Variants in CCDC102B observed in about 807,000 individuals in gnomAD.
The protein encoded by CCDC102B is coiled-coil domain-containing protein 102B.
In CCDC102B, 75 loss-of-function variants were observed where a neutral mutation model predicts 57.4. The observed-to-expected ratio is 1.31, with a 90% CI of 1.08 to 1.58. CCDC102B has a LOEUF of 1.58. CCDC102B is among the 40% of genes most tolerant of loss of function. CCDC102B has a pLI of 0.00. For synonymous variants in CCDC102B, 206 were observed against 201.9 expected (o/e 1.02, Z -0.17); for missense variants, 636 against 582.6 (o/e 1.09, Z -0.94).
chr18:69,033,972 G>T lies in CCDC102B; in HGVS notation c.1435-20058G>T, dbSNP rs189709581. On this transcript the variant is annotated intron_variant, in intron 7 of 7. Coordinates refer to ENST00000360242, the MANE Select transcript of CCDC102B (RefSeq NM_024781.3). Reference sequence around the variant, plus strand: ...AATGATGTTGAGTACATTTACATGTGCTAACTGGCCATTTGTATATTTTCT... The same window carrying T: ...AATGATGTTGAGTACATTTACATGTTCTAACTGGCCATTTGTATATTTTCT... Among the ~76,000 whole-genome samples, 128 of 151,866 alleles carry T rather than the reference G, an allele frequency of 8.4e-4. No homozygotes were observed. In the Middle Eastern group the frequency reaches 0.017, roughly 20 times the overall value.
At chr18:68,950,422 T>A (rs561785843) in intron 6 of CCDC102B, among the ~76,000 whole-genome samples, 1 of 152,254 alleles carries the variant, frequency 6.6e-6, no homozygotes, top group South Asian at 2.1e-4. Flanking sequence ...CTTAGTAATT[T>A]GGCCAATATT....
intron 6 of CCDC102B, among the ~76,000 whole-genome samples, chr18:68,990,087 A>T (rs2050825514): frequency 6.6e-6 from 1 of 152,234 alleles, no homozygotes; most frequent in African/African-American, 2.4e-5. Context: ...ACAGGCAATT[A>T]TCAGTGAAGC....
At position 69,051,501 on chromosome 18, in the gene CCDC102B, T is replaced by A. The variant is rs144946644; in HGVS notation, c.1435-2529T>A. On this transcript the variant is annotated intron_variant, in intron 7 of 7. Coordinates refer to ENST00000360242, the MANE Select transcript of CCDC102B (RefSeq NM_024781.3). ...AGAGTTAATGAAACTCCAGGTTAAATACAAATATAGTTCTTCATGAAATTT... is the reference window on the plus strand; with the variant it reads ...AGAGTTAATGAAACTCCAGGTTAAAAACAAATATAGTTCTTCATGAAATTT... Among the ~76,000 whole-genome samples the A allele has an allele frequency of 4.2e-3, 637 of 152,146 alleles. 5 individuals carry two copies. Among genetic ancestry groups the A allele is most frequent in the South Asian group, 0.024 (118 of 4,830 alleles).
At chr18:68,988,828 T>C (rs1340007029) in intron 6 of CCDC102B, among the ~76,000 whole-genome samples, 1 of 152,206 alleles carries the variant, frequency 6.6e-6, no homozygotes, top group African/African-American at 2.4e-5. Context: ...GGTTTGGACT[T>C]GAGTGGCAAG....
intron 2 of CCDC102B, among the ~76,000 whole-genome samples, chr18:68,774,120 A>G (rs2034732711): frequency 6.6e-6 from 1 of 151,990 alleles, no homozygotes; most frequent in Non-Finnish European, 1.5e-5. Flanking sequence ...TATAATTTTT[A>G]TTCATACTGA....
intron 6 of CCDC102B, among the ~76,000 whole-genome samples, chr18:68,913,026 T>C (rs2040929203): frequency 6.6e-6 from 1 of 152,218 alleles, no homozygotes; most frequent in South Asian, 2.1e-4. Context: ...TGGATTTATT[T>C]CTTTTTAATT....
At chr18:68,925,548 A>G (rs1229652435) in intron 6 of CCDC102B, among the ~76,000 whole-genome samples, 2 of 151,964 alleles carry the variant, frequency 1.3e-5, no homozygotes, top group Non-Finnish European at 2.9e-5. Context: ...TCTATTTATG[A>G]CATTTTGGCC....
intron 6 of CCDC102B, among the ~76,000 whole-genome samples, chr18:68,939,969 A>T (rs1342816216): frequency 6.6e-6 from 1 of 151,814 alleles, no homozygotes; most frequent in African/African-American, 2.4e-5. Context: ...TTATTTGGTG[A>T]TCATACTGTC....
chr18:68,784,400 C>T (rs1253125689), intron 2 of CCDC102B, among the ~76,000 whole-genome samples: 1 of 152,036 alleles, frequency 6.6e-6, no homozygotes, highest in Non-Finnish European at 1.5e-5. Context: ...GGTTGTAAAC[C>T]ATTCATGAAA....
At chr18:68,805,723 G>A (rs2036010730) in intron 1 of CCDC102B, among the ~76,000 whole-genome samples, 1 of 152,150 alleles carries the variant, frequency 6.6e-6, no homozygotes, top group African/African-American at 2.4e-5. Context: ...CAGCCAGTGA[G>A]TGGGTGAGGT....
intron 1 of CCDC102B, among the ~76,000 whole-genome samples, chr18:68,810,705 T>TTTTTCTTTAAG (rs2036227983): frequency 8.9e-6 from 1 of 111,772 alleles, no homozygotes; most frequent in African/African-American, 3.2e-5. Context: ...TTTTTTTTTT[T>TTTTTCTTTAAG]TTATGCTTTA....
rs939962351 is a variant in CCDC102B at position 68,924,687 on chromosome 18, G to A, written c.1263+27259G>A. On this transcript the variant is annotated intron_variant, in intron 6 of 7. Coordinates refer to ENST00000360242, the MANE Select transcript of CCDC102B (RefSeq NM_024781.3). The stretch of plus-strand genomic sequence containing the variant: ...GTGAGGGGAGATAGGTAGTTCAGGG[G>A]ACTTATCAATAGGCCTGAACAATTG... Among the ~76,000 whole-genome samples, 8 of 152,020 alleles carry A rather than the reference G, an allele frequency of 5.3e-5. 1 individual carries two copies. The highest frequency in any genetic ancestry group is 2.1e-4 in the South Asian group (1 of 4,826).
chr18:68,773,880 C>T (rs938586231), intron 2 of CCDC102B, among the ~76,000 whole-genome samples: 1 of 151,960 alleles, frequency 6.6e-6, no homozygotes, highest in Non-Finnish European at 1.5e-5. Context: ...TTTATATTAA[C>T]TCAGTCACAC....
At chr18:68,910,209 T>A (rs1205529826) in intron 6 of CCDC102B, among the ~76,000 whole-genome samples, 2 of 152,110 alleles carry the variant, frequency 1.3e-5, no homozygotes, top group Non-Finnish European at 2.9e-5. Context: ...ATGAGAATCC[T>A]TTCAATCTGG....
upstream of CCDC102B, among the ~76,000 whole-genome samples, chr18:68,797,366 CA>C (rs1339255210): frequency 6.6e-6 from 1 of 152,048 alleles, no homozygotes; most frequent in East Asian, 1.9e-4. Flanking sequence ...TTACTTTGGA[CA>C]TTTTTTTGCT....
chr18:68,818,150 C>G (rs528191343), intron 1 of CCDC102B, among the ~76,000 whole-genome samples: 1 of 135,478 alleles, frequency 7.4e-6, no homozygotes, highest in African/African-American at 2.9e-5. Context: ...TGTCTCCTTT[C>G]CAGTGTAGCT....
intron 5 of CCDC102B, among the ~76,000 whole-genome samples, chr18:68,877,081 T>C (rs1475791782): frequency 6.6e-6 from 1 of 152,228 alleles, no homozygotes; most frequent in Non-Finnish European, 1.5e-5. Context: ...AAATAATCTT[T>C]GATAGCACAT....
At chr18:68,809,806 G>A (rs1459276713) in intron 1 of CCDC102B, among the ~76,000 whole-genome samples, 1 of 152,188 alleles carries the variant, frequency 6.6e-6, no homozygotes, top group East Asian at 1.9e-4. Context: ...TTCTTATTCT[G>A]CTTTAACAAC....
chr18:68,750,758 T>C (rs1317648605), intron 2 of CCDC102B, among the ~76,000 whole-genome samples: 2 of 132,072 alleles, frequency 1.5e-5, no homozygotes, highest in African/African-American at 5.8e-5. Context: ...ATGAGAACAC[T>C]TGGACACAGG....
Sources: allele counts gnomAD v4.1 joint callset (sites outside exome capture counted in the v4.1 genomes callset), GRCh38; gene constraint gnomAD v4.1.1; transcripts MANE v1.5; gene names NCBI Gene and HGNC (gene_info 2026-07-23, HGNC 2026-07-21).